Variants in ST6GALNAC2 observed in about 807,000 individuals in gnomAD.
The protein encoded by ST6GALNAC2 is alpha-N-acetylgalactosaminide alpha-2,6-sialyltransferase 2.
ST6GALNAC2 carries 42 observed loss-of-function variants against 38.7 expected under a neutral mutation model. The ratio of observed to expected loss-of-function variants is 1.09; its 90% confidence interval spans 0.85 to 1.40. The LOEUF is 1.40. Ranked by LOEUF, ST6GALNAC2 falls within the 40% of genes most tolerant of loss-of-function variation. The pLI is 0.00. For synonymous variants in ST6GALNAC2, 233 were observed against 209.0 expected (o/e 1.11, Z -0.99); for missense variants, 506 against 481.7 (o/e 1.05, Z -0.47).
chr17:76,566,152 C>T lies in ST6GALNAC2; in HGVS notation c.1077G>A (p.Leu359=), dbSNP rs767788690. 3.1e-6 allele frequency: 5 copies of T among 1,614,160 alleles called. No individual in the cohort carries two copies. The highest frequency in any genetic ancestry group is 4.2e-6 in the Non-Finnish European group (5 of 1,180,030). ...TGCCGGCCTTGTGCAGGTCCCTCCA[C>T]AGGGCAGCTTCCAGGGACAGATCGT... is the stretch of plus-strand genomic sequence containing the variant. ...ANHDLSLEAA[L]WRDLHKAGIL... The change falls in exon 9 of 9, where the codon CTG becomes CTA. Residue 359 remains leucine, a synonymous_variant. Transcript: ENST00000225276.
chr17:76,571,419 C>T (rs2075352779), intron 5 of ST6GALNAC2, among the ~76,000 whole-genome samples: 2 of 152,096 alleles, frequency 1.3e-5, no homozygotes, highest in Non-Finnish European at 2.9e-5. Flanking sequence ...CATGGTGAAA[C>T]CCCATCTCCA....
rs1214580966 is a variant in ST6GALNAC2 at position 76,566,112 on chromosome 17, G to A, written c.1117C>T (p.Gln373Ter). 2.5e-6 allele frequency: 4 copies of A among 1,613,882 alleles called. No homozygotes were observed. The highest frequency in any genetic ancestry group is 3.4e-6 in the Non-Finnish European group (4 of 1,179,954). ...GGCTCAGTGCATTGGGGTCAGCGCT[G>A]GTACAGCTGAAGGATGCCGGCCTTG... ...LHKAGILQLY[Q>*]R The change falls in exon 9 of 9, where the codon CAG becomes TAG. Residue 373 changes from glutamine to a stop codon, truncating the protein, a stop_gained. Coordinates refer to ENST00000225276, the MANE Select transcript of ST6GALNAC2 (RefSeq NM_006456.3). LOFTEE classifies it high-confidence loss of function.
At position 76,578,740 on chromosome 17, in the gene ST6GALNAC2, T is replaced by C; in HGVS notation, c.186+16A>G. ...GAGGGTGCTCAAAACTGCCACAGGGTAGTCGACCACTCTACCTTTCCTGTC... is the reference window on the plus strand; with the variant it reads ...GAGGGTGCTCAAAACTGCCACAGGGCAGTCGACCACTCTACCTTTCCTGTC... On this transcript the variant is annotated intron_variant, in intron 2 of 8. Transcript: ENST00000225276. 1.9e-6 allele frequency: 3 copies of C among 1,611,230 alleles called. No homozygotes were observed. Among genetic ancestry groups the C allele is most frequent in the Non-Finnish European group, 2.5e-6 (3 of 1,178,554 alleles).
At chr17:76,578,609 A>G in intron 2 of ST6GALNAC2, 147 bp downstream of exon 2, 2 of 690,196 alleles carry the variant, frequency 2.9e-6, no homozygotes. Flanking sequence ...AGAGGCCCTG[A>G]AGGGACGGAT....
rs2143282225 is a variant in ST6GALNAC2 at position 76,565,948 on chromosome 17, CCT to C, written c.*154_*155del. ...ATGAGCCAAGGACAAGCTGGGGTGT[CCT>C]ATATTGAACAGACCTCGATGAAAAT... On this transcript the variant is annotated 3_prime_UTR_variant, in exon 9 of 9. Coordinates refer to ENST00000225276, the MANE Select transcript of ST6GALNAC2 (RefSeq NM_006456.3). 2.8e-6 allele frequency: 2 copies of C among 702,732 alleles called. No individual in the cohort carries two copies. Among genetic ancestry groups the C allele is most frequent in the Admixed American group, 3.0e-5 (1 of 33,238 alleles). The allele number at this position is 702,732 out of a possible 1,614,324, so 43.5% of individuals were successfully genotyped here. A position where few individuals can be genotyped will look rare whatever the true frequency, so the allele number is the denominator to read the frequency against.
At chr17:76,574,886 C>A (rs2075398004) in intron 2 of ST6GALNAC2, among the ~76,000 whole-genome samples, 1 of 152,064 alleles carries the variant, frequency 6.6e-6, no homozygotes, top group Non-Finnish European at 1.5e-5. Flanking sequence ...CCATGTTAGC[C>A]AGGGTGGTCT....
chr17:76,572,524 C>T, intron 5 of ST6GALNAC2, 113 bp downstream of exon 5: 1 of 1,272,426 alleles, frequency 7.9e-7, no homozygotes, highest in South Asian at 1.4e-5. Context: ...ATCCTGGCAC[C>T]CCCTCAGCAT....
At chr17:76,569,211 G>A in intron 6 of ST6GALNAC2, 1 of 227,080 alleles carries the variant, frequency 4.4e-6, no homozygotes, top group Non-Finnish European at 7.9e-6. Context: ...GCTGGAAAAA[G>A]GGGGGCTCCT....
At chr17:76,574,250 G>A in intron 3 of ST6GALNAC2, 115 bp downstream of exon 3, 1 of 1,245,674 alleles carries the variant, frequency 8.0e-7, no homozygotes, top group Non-Finnish European at 1.1e-6. Flanking sequence ...GAGAGAGGGG[G>A]ACAGGGAGAC....
rs1182384538 is a variant in ST6GALNAC2, at chr17:76,573,612, C to A, written c.362-249G>T. ...ATACCTTATCTTCTTAAGACTGGTG[C>A]TAGAGAAGTGAGCTCAGGGCTTAAA... is the stretch of plus-strand genomic sequence containing the variant. On this transcript the variant is annotated intron_variant, in intron 3 of 8. Transcript: ENST00000225276. This position sits in a 1 kb window ranked among gnomAD's most constrained non-coding sequence, Gnocchi z 5.1. Among the ~76,000 whole-genome samples the A allele has an allele frequency of 6.6e-6, 1 of 152,106 alleles. No homozygotes were observed. The highest frequency in any genetic ancestry group is 1.5e-5 in the Non-Finnish European group (1 of 68,014).
chr17:76,570,102 A>G (rs928655048), intron 6 of ST6GALNAC2: 2 of 168,902 alleles, frequency 1.2e-5, no homozygotes, highest in Non-Finnish European at 2.5e-5. Flanking sequence ...CTCCCGTTTC[A>G]TGGGCATGAC....
At chr17:76,572,542 A>G in intron 5 of ST6GALNAC2, 95 bp downstream of exon 5, 1 of 1,452,276 alleles carries the variant, frequency 6.9e-7, no homozygotes, top group African/African-American at 1.4e-5. Flanking sequence ...CATCCACTGG[A>G]CCAGGGTGTG....
intron 1 of ST6GALNAC2, among the ~76,000 whole-genome samples, chr17:76,585,273 G>C (rs1354826011): frequency 6.6e-6 from 1 of 152,230 alleles, no homozygotes; most frequent in Non-Finnish European, 1.5e-5. Context: ...GGAGACTTGG[G>C]CCCCTGCCCA....
intron 6 of ST6GALNAC2, chr17:76,569,305 TAGA>T (rs1467367071): frequency 4.9e-5 from 8 of 162,548 alleles, no homozygotes; most frequent in East Asian, 9.8e-5. Flanking sequence ...GGCAGGGCTG[TAGA>T]AGGAGGACTT....
At chr17:76,567,666 G>C (rs1316398024) in intron 7 of ST6GALNAC2, 114 bp from the exon 8 acceptor site, 1 of 679,556 alleles carries the variant, frequency 1.5e-6, no homozygotes, top group East Asian at 2.7e-5. Context: ...TTCTACTCCA[G>C]TCAGTTCTTT....
At chr17:76,577,778 G>T (rs1337192440) in intron 2 of ST6GALNAC2, among the ~76,000 whole-genome samples, 1 of 151,874 alleles carries the variant, frequency 6.6e-6, no homozygotes, top group African/African-American at 2.4e-5. Context: ...TCACTGTGTT[G>T]CCCAGGCTGG....
intron 7 of ST6GALNAC2, 35 bp downstream of exon 7, chr17:76,568,678 A>AGGGGACGCTGTTCTTC (rs1161537835): frequency 1.2e-6 from 2 of 1,606,898 alleles, no homozygotes; most frequent in African/African-American, 2.7e-5. Flanking sequence ...GGGGGAAGGA[A>AGGGGACGCTGTTCTTC]GGGGACGCTG....
At chr17:76,582,338 ATTT>A (rs71158026) in intron 1 of ST6GALNAC2, among the ~76,000 whole-genome samples, 1 of 115,370 alleles carries the variant, frequency 8.7e-6, no homozygotes, top group African/African-American at 3.4e-5. Flanking sequence ...ATGCCTGGCT[ATTT>A]TTTTTTTTTT....
chr17:76,567,969 G>A (rs576374545), intron 7 of ST6GALNAC2: 44 of 189,356 alleles, frequency 2.3e-4, no homozygotes, highest in African/African-American at 9.9e-4. Flanking sequence ...GTGTGACCAC[G>A]GGCTCTGCCC....
Sources: allele counts gnomAD v4.1 joint callset (sites outside exome capture counted in the v4.1 genomes callset), GRCh38; gene constraint gnomAD v4.1.1; non-coding constraint Gnocchi (gnomAD v3.1); transcripts MANE v1.5; gene names NCBI Gene and HGNC (gene_info 2026-07-23, HGNC 2026-07-21).